The following FHIT variants were observed in gnomAD, a reference collection of about 807,000 sequenced individuals.
FHIT encodes fragile histidine triad diadenosine triphosphatase.
FHIT carries 19 observed loss-of-function variants against 17.9 expected under a neutral mutation model. That is an observed-to-expected ratio of 1.06 (90% CI 0.74 to 1.56). The LOEUF (loss-of-function observed/expected upper bound fraction) is 1.56. FHIT is among the 40% of genes most tolerant of loss of function. The pLI, the probability that FHIT is intolerant of heterozygous loss-of-function variation, is 0.00. For missense variants in FHIT, 248 were observed against 189.2 expected (o/e 1.31, Z -1.82); for synonymous variants, 81 against 69.7 (o/e 1.16, Z -0.81).
chr3:59,871,134 G>A (rs553825432), intron 8 of FHIT, among the ~76,000 whole-genome samples: 18 of 152,046 alleles, frequency 1.2e-4, no homozygotes, highest in Admixed American at 2.6e-4. Flanking sequence ...ATCCTCCAGC[G>A]ACATTTTGAA....
intron 5 of FHIT, among the ~76,000 whole-genome samples, chr3:60,507,947 A>G (rs1042933976): frequency 6.6e-6 from 1 of 152,176 alleles, no homozygotes; most frequent in Non-Finnish European, 1.5e-5. Context: ...GGTTGATTCT[A>G]TATCTTTGCT....
chr3:59,961,356 A>C (rs1369802327), intron 7 of FHIT, among the ~76,000 whole-genome samples: 1 of 152,152 alleles, frequency 6.6e-6, no homozygotes, highest in Admixed American at 6.5e-5. Flanking sequence ...TGAGCACTAA[A>C]ATTTAACTAA....
intron 2 of FHIT, among the ~76,000 whole-genome samples, chr3:61,060,759 G>A (rs1279900480): frequency 3.3e-5 from 5 of 152,208 alleles, no homozygotes; most frequent in South Asian, 4.1e-4. Context: ...AGATGTATGC[G>A]GACAGATTAA....
At chr3:59,975,540 G>A (rs927693149) in intron 7 of FHIT, among the ~76,000 whole-genome samples, 5 of 151,880 alleles carry the variant, frequency 3.3e-5, no homozygotes, top group Non-Finnish European at 7.4e-5. Flanking sequence ...AATAAAGGTA[G>A]GAACTATTAT....
chr3:60,950,033 T>G (rs569173660), intron 3 of FHIT, among the ~76,000 whole-genome samples: 9 of 152,360 alleles, frequency 5.9e-5, no homozygotes, highest in African/African-American at 1.9e-4. Flanking sequence ...AAAAAATTCC[T>G]ACTGCTTAGT....
chr3:59,889,465 A>G (rs1239263647), intron 8 of FHIT, among the ~76,000 whole-genome samples: 1 of 152,172 alleles, frequency 6.6e-6, no homozygotes, highest in Non-Finnish European at 1.5e-5. Context: ...GCCTCCCCAT[A>G]CCCTCAAATT....
intron 5 of FHIT, among the ~76,000 whole-genome samples, chr3:60,491,039 A>G (rs768164017): frequency 2.0e-5 from 3 of 152,186 alleles, no homozygotes; most frequent in African/African-American, 4.8e-5. Flanking sequence ...CCCAAAAAGT[A>G]TATGTTGCAC....
intron 4 of FHIT, among the ~76,000 whole-genome samples, chr3:60,733,838 G>A (rs1163182389): frequency 6.6e-6 from 1 of 152,104 alleles, no homozygotes; most frequent in African/African-American, 2.4e-5. Context: ...GACAGTACAT[G>A]TATACTGTGA....
chr3:59,846,112 G>A (rs931970875), intron 8 of FHIT, among the ~76,000 whole-genome samples: 1 of 152,030 alleles, frequency 6.6e-6, no homozygotes, highest in African/African-American at 2.4e-5. Flanking sequence ...GGAGAGGTTT[G>A]ATTCTGTCAT....
intron 2 of FHIT, among the ~76,000 whole-genome samples, chr3:61,148,779 T>C (rs1012059503): frequency 6.6e-6 from 1 of 152,228 alleles, no homozygotes. Context: ...TTTCCTTTTA[T>C]GGTTATTTTA....
intron 4 of FHIT, among the ~76,000 whole-genome samples, chr3:60,743,236 G>A (rs1241372082): frequency 1.3e-5 from 2 of 152,204 alleles, no homozygotes; most frequent in Admixed American, 6.5e-5. Flanking sequence ...AGGTCATAAT[G>A]CAGATCAAAT....
chr3:60,526,989 G>A (rs1427641067), intron 5 of FHIT, among the ~76,000 whole-genome samples: 2 of 152,192 alleles, frequency 1.3e-5, no homozygotes, highest in Non-Finnish European at 2.9e-5. Context: ...TTGGGGGCGT[G>A]GAGGTATGTT....
intron 1 of FHIT, among the ~76,000 whole-genome samples, chr3:61,204,790 T>C (rs2039157595): frequency 6.6e-6 from 1 of 152,088 alleles, no homozygotes; most frequent in Non-Finnish European, 1.5e-5. Flanking sequence ...AAGTTAGCAA[T>C]AATAGAAGAG....
intron 8 of FHIT, among the ~76,000 whole-genome samples, chr3:59,867,386 G>C: frequency 6.6e-6 from 1 of 151,658 alleles, no homozygotes; most frequent in Non-Finnish European, 1.5e-5. Flanking sequence ...TACAGTGAAA[G>C]TAATTTACCA....
In FHIT at chr3:60,860,958, T is replaced by C. The variant is rs1418577937; in HGVS notation, c.-110-38947A>G. 1.9e-5 allele frequency among the ~76,000 whole-genome samples: 2 copies of C among 106,908 alleles called. 1 individual carries two copies. Among genetic ancestry groups the C allele is most frequent in the Non-Finnish European group, 4.0e-5 (2 of 49,702 alleles). 70.1% of individuals were successfully genotyped at this position (106,908 alleles called of 152,430 possible). ...ATATCATGTATATATGATACATATA[T>C]ACGTATATATCATGTATATATGATA... is the stretch of plus-strand genomic sequence containing the variant. On this transcript the variant is annotated intron_variant, in intron 3 of 9. Transcript: ENST00000492590.
At chr3:59,926,530 C>T (rs1275197939) in intron 7 of FHIT, among the ~76,000 whole-genome samples, 4 of 152,064 alleles carry the variant, frequency 2.6e-5, no homozygotes, top group Non-Finnish European at 4.4e-5. Context: ...GCCACTCTAA[C>T]GTTTGAAGTT....
At chr3:61,120,528 C>G (rs1467270755) in intron 2 of FHIT, among the ~76,000 whole-genome samples, 1 of 152,112 alleles carries the variant, frequency 6.6e-6, no homozygotes, top group Non-Finnish European at 1.5e-5. Context: ...CCTTGGCAGT[C>G]TCAGCAAGCT....
At chr3:61,249,161 T>G (rs1306575284) in intron 1 of FHIT, among the ~76,000 whole-genome samples, 1 of 152,198 alleles carries the variant, frequency 6.6e-6, no homozygotes, top group Admixed American at 6.5e-5. Flanking sequence ...GCTACACATC[T>G]GGTGTTCCTG....
intron 3 of FHIT, among the ~76,000 whole-genome samples, chr3:60,931,713 T>C (rs530530840): frequency 6.6e-6 from 1 of 152,230 alleles, no homozygotes; most frequent in African/African-American, 2.4e-5. Flanking sequence ...TTCAGGTTTA[T>C]CTCTGGGAGA....
Sources: allele counts gnomAD v4.1 joint callset (sites outside exome capture counted in the v4.1 genomes callset), GRCh38; gene constraint gnomAD v4.1.1; transcripts MANE v1.5; gene names NCBI Gene and HGNC (gene_info 2026-07-23, HGNC 2026-07-21).